TSHZ2: variants seen among roughly 807,000 people sequenced by gnomAD.
TSHZ2 encodes teashirt zinc finger homeobox 2.
In TSHZ2, 21 loss-of-function variants were observed where a neutral mutation model predicts 74.4. The ratio of observed to expected loss-of-function variants is 0.28; its 90% confidence interval spans 0.20 to 0.41. TSHZ2 has a LOEUF of 0.41. TSHZ2 is among the 10% of genes least tolerant of loss of function. TSHZ2 has a pLI of 1.00. For missense variants in TSHZ2, 1,244 were observed against 1,293.5 expected (o/e 0.96, Z 0.59); for synonymous variants, 540 against 515.3 (o/e 1.05, Z -0.65).
intron 2 of TSHZ2, among the ~76,000 whole-genome samples, chr20:53,463,903 G>C (rs1385726724): frequency 6.6e-6 from 1 of 152,182 alleles, no homozygotes; most frequent in East Asian, 1.9e-4. Flanking sequence ...AGATATAATT[G>C]GTAAAACACA....
intron 1 of TSHZ2, among the ~76,000 whole-genome samples, chr20:53,250,901 T>TTGTGTGTG (rs11472057): frequency 0.064 from 9,494 of 148,936 alleles, 377 homozygotes; most frequent in Non-Finnish European, 0.094. Flanking sequence ...GGTGGGCAGA[T>TTGTGTGTG]TGTGTGTGTG....
chr20:53,069,455 A>G (rs1308766050), intron 1 of TSHZ2, among the ~76,000 whole-genome samples: 3 of 152,120 alleles, frequency 2.0e-5, no homozygotes, highest in Non-Finnish European at 4.4e-5. Context: ...TTCCTGAAAG[A>G]AAAAAATATC....
intron 1 of TSHZ2, 26 bp downstream of exon 1, chr20:52,973,359 G>A: frequency 6.5e-7 from 1 of 1,550,194 alleles, no homozygotes; most frequent in South Asian, 1.2e-5. Flanking sequence ...CCGCTTCGGG[G>A]CTGCCCTGTG....
In TSHZ2 at chr20:53,367,380, G is replaced by A. The variant is rs1981302311; in HGVS notation, c.*8+110809G>A. On this transcript the variant is annotated intron_variant, in intron 2 of 2. Coordinates refer to ENST00000371497, the MANE Select transcript of TSHZ2 (RefSeq NM_173485.6). The stretch of plus-strand genomic sequence containing the variant: ...GATCAGGCCACTGCACTCCAGCCTG[G>A]GTGATAAAATGAGACTCTGTCTCAA... Among the ~76,000 whole-genome samples, 4 of 151,420 alleles carry A rather than the reference G, an allele frequency of 2.6e-5. No individual in the cohort carries two copies. In the South Asian group the frequency reaches 8.4e-4, roughly 32 times the overall value.
chr20:53,204,177 G>GATGATATGATACTATATCATCAT (rs1989089013), intron 1 of TSHZ2, among the ~76,000 whole-genome samples: 1 of 140,254 alleles, frequency 7.1e-6, no homozygotes, highest in African/African-American at 2.6e-5. Flanking sequence ...ATCATCATAT[G>GATGATATGATACTATATCATCAT]ATGATATGAT....
rs73913025 is a variant in TSHZ2, at chr20:53,027,856, A to T, written c.40+54523A>T. On this transcript the variant is annotated intron_variant, in intron 1 of 2. Transcript: ENST00000371497. ...GCACAGTGGGGCTATGGAAAATGCC[A>T]TTTAAGGAGAGGAGAGGGTGGTTAG... Among the ~76,000 whole-genome samples the T allele has an allele frequency of 6.6e-3, 998 of 152,288 alleles. 8 individuals are homozygous for T. The highest frequency in any genetic ancestry group is 0.023 in the African/African-American group (963 of 41,548).
intron 2 of TSHZ2, among the ~76,000 whole-genome samples, chr20:53,282,266 T>C (rs1297196878): frequency 1.3e-5 from 2 of 152,222 alleles, no homozygotes; most frequent in Non-Finnish European, 2.9e-5. Flanking sequence ...TTCACCTGAT[T>C]GTCACTGATA....
intron 1 of TSHZ2, among the ~76,000 whole-genome samples, chr20:53,013,915 G>A (rs1379325502): frequency 6.6e-6 from 1 of 152,118 alleles, no homozygotes; most frequent in African/African-American, 2.4e-5. Context: ...TTGGGATAAG[G>A]GAATGAAAAC....
At chr20:53,343,863 T>G (rs1410903229) in intron 2 of TSHZ2, among the ~76,000 whole-genome samples, 2 of 152,162 alleles carry the variant, frequency 1.3e-5, no homozygotes, top group Non-Finnish European at 2.9e-5. Flanking sequence ...ATGAGACACT[T>G]AGGAGAGCCA....
intron 1 of TSHZ2, among the ~76,000 whole-genome samples, chr20:53,117,072 C>T (rs527286527): frequency 6.6e-6 from 1 of 152,238 alleles, no homozygotes; most frequent in Admixed American, 6.5e-5. Context: ...AGTGCACGTT[C>T]TCTCATGCCT....
chr20:53,111,017 T>C (rs1206327794), intron 1 of TSHZ2, among the ~76,000 whole-genome samples: 1 of 152,170 alleles, frequency 6.6e-6, no homozygotes, highest in Non-Finnish European at 1.5e-5. Flanking sequence ...TATCTGTGGT[T>C]TTCAAAAAGT....
intron 1 of TSHZ2, among the ~76,000 whole-genome samples, chr20:53,156,975 A>T (rs1464645336): frequency 6.6e-6 from 1 of 152,188 alleles, no homozygotes; most frequent in African/African-American, 2.4e-5. Flanking sequence ...AGCTTTATTA[A>T]GCAGAGAAAC....
intron 1 of TSHZ2, among the ~76,000 whole-genome samples, chr20:53,162,974 TAA>T (rs944106290): frequency 3.9e-5 from 6 of 152,342 alleles, no homozygotes; most frequent in African/African-American, 1.4e-4. Context: ...TAATTGTTTT[TAA>T]AAAGTTTACT....
intron 1 of TSHZ2, among the ~76,000 whole-genome samples, chr20:53,229,696 T>C (rs1166333098): frequency 6.6e-6 from 1 of 151,542 alleles, no homozygotes; most frequent in Admixed American, 6.6e-5. Context: ...CTCTCTTCTC[T>C]GCCTTTCAAC....
At chr20:53,236,715 A>G (rs958846760) in intron 1 of TSHZ2, among the ~76,000 whole-genome samples, 3 of 152,242 alleles carry the variant, frequency 2.0e-5, no homozygotes, top group African/African-American at 7.2e-5. Flanking sequence ...TAATTGACTC[A>G]CAGTTCTGCA....
Position 53,255,259 on chromosome 20 carries a change from A to G in TSHZ2, c.1801A>G (p.Lys601Glu). Residue 601 changes from lysine to glutamate, a missense_variant, in exon 2 of 3, where the codon AAG (lysine) becomes GAG (glutamate). By Grantham distance (56) the Lys-to-Glu change is moderately conservative (BLOSUM62 1). Around this residue, in one of 6 missense-constraint regions of TSHZ2, gnomAD observed 562 missense variants for 544.0 expected, o/e 1.03. Coordinates refer to ENST00000371497, the MANE Select transcript of TSHZ2 (RefSeq NM_173485.6). The surrounding 1 kb of genome is among the most constrained non-coding windows in gnomAD (Gnocchi z 4.1). ...ACACCTGGCCCCTTACACTCAAGTC[A>G]AGAAAGAGTCAGAAGACAAAGATGA... ...PTHLAPYTQV[K>E]KESEDKDEAV... The G allele has an allele frequency of 6.2e-7, 1 of 1,614,234 alleles. No homozygotes were observed. The highest frequency in any genetic ancestry group is 8.5e-7 in the Non-Finnish European group (1 of 1,180,040).
intron 1 of TSHZ2, among the ~76,000 whole-genome samples, chr20:53,173,705 G>A (rs1186334562): frequency 1.3e-5 from 2 of 151,342 alleles, no homozygotes; most frequent in Non-Finnish European, 1.5e-5. Context: ...GAACAGTTGT[G>A]TAACTGAAAA....
chr20:53,234,987 G>C (rs1333167798), intron 1 of TSHZ2, among the ~76,000 whole-genome samples: 1 of 152,040 alleles, frequency 6.6e-6, no homozygotes, highest in African/African-American at 2.4e-5. Context: ...TCATGGAGGA[G>C]TCAAGGTGGC....
rs187078567 is a variant in TSHZ2 at position 53,472,900 on chromosome 20, G to T, written c.*9-14244G>T. On this transcript the variant is annotated intron_variant, in intron 2 of 2. Coordinates refer to ENST00000371497, the MANE Select transcript of TSHZ2 (RefSeq NM_173485.6). ...CGAGTCAAAGAAAGGGGTGACGGAC[G>T]GCACCTGGAAATCGGGTCACTCTCA... 3.3e-5 allele frequency among the ~76,000 whole-genome samples: 5 copies of T among 152,002 alleles called. No homozygotes were observed. In the East Asian group the frequency reaches 9.7e-4, roughly 29 times the overall value.
Sources: allele counts gnomAD v4.1 joint callset (sites outside exome capture counted in the v4.1 genomes callset), GRCh38; gene constraint gnomAD v4.1.1; regional missense constraint gnomAD v4.1.1; non-coding constraint Gnocchi (gnomAD v3.1); transcripts MANE v1.5; gene names NCBI Gene and HGNC (gene_info 2026-07-23, HGNC 2026-07-21).